The following TMEM156 variants were observed in gnomAD, a reference collection of about 807,000 sequenced individuals.
TMEM156 encodes transmembrane protein 156.
In TMEM156, 28 loss-of-function variants were observed where a neutral mutation model predicts 30.5. The observed-to-expected ratio is 0.92, with a 90% CI of 0.68 to 1.26. The LOEUF (loss-of-function observed/expected upper bound fraction) is 1.26, where lower values mean the gene tolerates loss of function less well. TMEM156 is among the 50% of genes most tolerant of loss of function. TMEM156 has a pLI of 0.00. For synonymous variants in TMEM156, 137 were observed against 119.9 expected (o/e 1.14, Z -0.93); for missense variants, 351 against 340.6 (o/e 1.03, Z -0.24).
At position 38,988,892 on chromosome 4, in the gene TMEM156, C is replaced by T. The variant is rs572792495; in HGVS notation, c.698G>A (p.Arg233His). 2.7e-5 allele frequency: 43 copies of T among 1,613,714 alleles called. No individual in the cohort carries two copies. In the Admixed American group the frequency reaches 2.8e-4, roughly 11 times the overall value. ...VFIFLIILTI[R>H]KILEGQRRVQ... ...TCTTCTCTGGCCTTCAAGTATTTTGCGGATAGTGAGGATGATCAAAAATAT... is the reference window on the plus strand; with the variant it reads ...TCTTCTCTGGCCTTCAAGTATTTTGTGGATAGTGAGGATGATCAAAAATAT... Residue 233 changes from arginine (R) to histidine (H), a missense_variant, in exon 4 of 7, where the codon CGC becomes CAC. Arg to His is a conservative substitution (Grantham distance 29). Transcript: ENST00000381938.
chr4:38,992,034 T>C (rs1012104376), intron 3 of TMEM156, among the ~76,000 whole-genome samples: 4 of 152,200 alleles, frequency 2.6e-5, no homozygotes, highest in African/African-American at 9.7e-5. Context: ...AGAAATTTCT[T>C]TGAAGTCTCA....
chr4:38,994,464 A>G (rs1712777123), intron 2 of TMEM156, among the ~76,000 whole-genome samples: 1 of 152,202 alleles, frequency 6.6e-6, no homozygotes, highest in Non-Finnish European at 1.5e-5. Flanking sequence ...TTTTAAGATC[A>G]TGAAAACCAG....
chr4:38,998,574 GTTT>G, intron 2 of TMEM156, 63 bp downstream of exon 2: 1 of 1,389,150 alleles, frequency 7.2e-7, no homozygotes, highest in Non-Finnish European at 9.6e-7. Flanking sequence ...TTATTAATAC[GTTT>G]TTAACAGAAT....
intron 5 of TMEM156, among the ~76,000 whole-genome samples, chr4:38,972,928 CAT>C (rs977004579): frequency 5.3e-5 from 8 of 152,164 alleles, no homozygotes; most frequent in Admixed American, 2.6e-4. Context: ...TTTTTTTCCA[CAT>C]AGTCAATTTG....
At chr4:38,989,861 G>T (rs186040274) in intron 3 of TMEM156, among the ~76,000 whole-genome samples, 2 of 151,950 alleles carry the variant, frequency 1.3e-5, no homozygotes, top group African/African-American at 4.8e-5. Context: ...GTGCAATGGC[G>T]CGATCTCAGC....
chr4:38,989,590 T>C (rs1484465372), intron 3 of TMEM156, among the ~76,000 whole-genome samples: 1 of 152,116 alleles, frequency 6.6e-6, no homozygotes, highest in African/African-American at 2.4e-5. Flanking sequence ...GATACAGGTA[T>C]AAACTCATTC....
At chr4:38,977,522 G>C (rs1050028298) in intron 5 of TMEM156, among the ~76,000 whole-genome samples, 4 of 152,258 alleles carry the variant, frequency 2.6e-5, no homozygotes, top group Middle Eastern at 6.8e-3. Context: ...TAGGATATAT[G>C]TCATTTTAAT....
chr4:38,988,285 G>A (rs145622474), intron 4 of TMEM156, among the ~76,000 whole-genome samples: 6 of 152,244 alleles, frequency 3.9e-5, no homozygotes, highest in African/African-American at 7.2e-5. Flanking sequence ...GTGCAGTGGC[G>A]CGATCTCAGC....
At chr4:38,992,702 T>TATATATATATTATATAATATATTATATA (rs1560366784) in intron 3 of TMEM156, among the ~76,000 whole-genome samples, 19 of 48,766 alleles carry the variant, frequency 3.9e-4, no homozygotes, top group African/African-American at 1.5e-3. Context: ...TATTATATAA[T>TATATATATATTATATAATATATTATATA]ATATATATAT....
At chr4:38,981,046 T>C in intron 5 of TMEM156, 1 of 588,932 alleles carries the variant, frequency 1.7e-6, no homozygotes, top group Non-Finnish European at 2.1e-6. Context: ...ACCAAGCAGA[T>C]GGCTGTAACC....
rs538286143 is a variant in TMEM156, at chr4:39,013,864, T to C, written c.89-14955A>G. Among the ~76,000 whole-genome samples the C allele has an allele frequency of 3.9e-5, 6 of 152,354 alleles. No homozygotes were observed. In the South Asian group the frequency reaches 8.3e-4, roughly 21 times the overall value. ...AGGTTTAAATACTGTCAAATACTTA[T>C]ATTTTATAATTGTAGTGTAATGTAA... On this transcript the variant is annotated intron_variant, in intron 1 of 6. Coordinates refer to ENST00000381938, the MANE Select transcript of TMEM156 (RefSeq NM_024943.3).
At chr4:39,013,408 T>G (rs1560380759) in intron 1 of TMEM156, among the ~76,000 whole-genome samples, 1 of 128,758 alleles carries the variant, frequency 7.8e-6, no homozygotes, top group Non-Finnish European at 1.6e-5. Flanking sequence ...TTTATTTATT[T>G]ATTTATTTAT....
intron 1 of TMEM156, among the ~76,000 whole-genome samples, chr4:39,002,551 T>A (rs1299582414): frequency 1.4e-5 from 2 of 141,924 alleles, no homozygotes; most frequent in Non-Finnish European, 3.1e-5. Flanking sequence ...CCCAAAGGAC[T>A]ATAAATCATG....
chr4:38,975,367 CT>C (rs1197205358), intron 5 of TMEM156, among the ~76,000 whole-genome samples: 1 of 146,334 alleles, frequency 6.8e-6, no homozygotes, highest in African/African-American at 2.5e-5. Flanking sequence ...GATTTTTTTT[CT>C]TTTCTTTTTT....
chr4:38,988,872 T>G lies in TMEM156; in HGVS notation c.718A>C (p.Arg240=). ...LTIRKILEGQ[R]RVQKWQSHRD... ...TTACTCTGCCACTTTTGCACTCTTCTCTGGCCTTCAAGTATTTTGCGGATA... is the reference window on the plus strand; with the variant it reads ...TTACTCTGCCACTTTTGCACTCTTCGCTGGCCTTCAAGTATTTTGCGGATA... The change falls in exon 4 of 7, where the codon AGA becomes CGA. Residue 240 remains arginine (R), a synonymous_variant. Transcript: ENST00000381938. 1 of 1,614,090 alleles carries G rather than the reference T, an allele frequency of 6.2e-7. No individual in the cohort carries two copies. Among genetic ancestry groups the G allele is most frequent in the Non-Finnish European group, 8.5e-7 (1 of 1,179,986 alleles).
intron 1 of TMEM156, among the ~76,000 whole-genome samples, chr4:39,014,453 C>T (rs750401935): frequency 6.6e-6 from 1 of 152,072 alleles, no homozygotes; most frequent in Non-Finnish European, 1.5e-5. Flanking sequence ...GCTTTTGTCA[C>T]ATCCCTATGC....
chr4:38,987,994 C>A (rs1010739397), intron 4 of TMEM156, among the ~76,000 whole-genome samples: 1 of 152,126 alleles, frequency 6.6e-6, no homozygotes, highest in African/African-American at 2.4e-5. Context: ...TGCATGGGTA[C>A]ACACCGGTAG....
chr4:38,995,753 G>A (rs368705946), intron 2 of TMEM156, among the ~76,000 whole-genome samples: 3 of 152,142 alleles, frequency 2.0e-5, no homozygotes, highest in African/African-American at 7.2e-5. Context: ...CTTTTCCCTT[G>A]AATCTGGGAA....
intron 3 of TMEM156, 126 bp from the exon 4 acceptor site, chr4:38,989,096 C>A: frequency 2.2e-6 from 2 of 906,192 alleles, no homozygotes; most frequent in Non-Finnish European, 3.3e-6. Context: ...TTATGACCAT[C>A]ACTGTTACAG....
Sources: allele counts gnomAD v4.1 joint callset (sites outside exome capture counted in the v4.1 genomes callset), GRCh38; gene constraint gnomAD v4.1.1; transcripts MANE v1.5; gene names NCBI Gene and HGNC (gene_info 2026-07-23, HGNC 2026-07-21).